The following DGKI variants were observed in gnomAD, a reference collection of about 807,000 sequenced individuals.
The protein encoded by DGKI is diacylglycerol kinase iota.
A neutral mutation model predicts 147.5 loss-of-function variants in DGKI; 55 were observed. The observed-to-expected ratio is 0.37, with a 90% CI of 0.30 to 0.47. The LOEUF is 0.47. Among genes scored for constraint, DGKI ranks in the 20% least tolerant of loss-of-function variants. The pLI is 1.00. For missense variants in DGKI, 1,007 were observed against 1,323.8 expected, an observed-to-expected ratio of 0.76 and a Z score of 3.71; for synonymous variants, 469 against 477.1, an observed-to-expected ratio of 0.98 and a Z score of 0.22.
At chr7:137,758,240 G>A (rs1795747711) in intron 1 of DGKI, among the ~76,000 whole-genome samples, 1 of 152,178 alleles carries the variant, frequency 6.6e-6, no homozygotes, top group Non-Finnish European at 1.5e-5. Context: ...GAGCCCCTGG[G>A]TGAGCTATGG....
At chr7:137,762,438 T>C (rs116923181) in intron 1 of DGKI, among the ~76,000 whole-genome samples, 1 of 152,360 alleles carries the variant, frequency 6.6e-6, no homozygotes, top group East Asian at 1.9e-4. Flanking sequence ...TCTCACATTC[T>C]ATACTCCAGC....
At chr7:137,697,717 C>T (rs1434006964) in intron 1 of DGKI, among the ~76,000 whole-genome samples, 1 of 151,920 alleles carries the variant, frequency 6.6e-6, no homozygotes, top group Non-Finnish European at 1.5e-5. Context: ...AATTATAGTA[C>T]CCAAGAGTAT....
chr7:137,727,338 A>G (rs1335447047), intron 1 of DGKI, among the ~76,000 whole-genome samples: 1 of 152,162 alleles, frequency 6.6e-6, no homozygotes, highest in African/African-American at 2.4e-5. Context: ...TGACAACAAC[A>G]CAAGAAAGTT....
chr7:137,710,566 C>T (rs183969773), intron 1 of DGKI, among the ~76,000 whole-genome samples: 1 of 152,084 alleles, frequency 6.6e-6, no homozygotes, highest in Admixed American at 6.5e-5. Flanking sequence ...ATTGCTTATC[C>T]TTATAGAAAA....
At chr7:137,545,957 T>A (rs752162901) in intron 20 of DGKI, 3 of 702,482 alleles carry the variant, frequency 4.3e-6, no homozygotes, top group Non-Finnish European at 7.8e-6. Flanking sequence ...TTGCACCTGA[T>A]GAATACTAGA....
At chr7:137,531,773 A>G (rs771379516) in intron 20 of DGKI, among the ~76,000 whole-genome samples, 1 of 152,208 alleles carries the variant, frequency 6.6e-6, no homozygotes, top group African/African-American at 2.4e-5. Flanking sequence ...AAGGGTGTGG[A>G]TGAAGTGTTA....
At chr7:137,616,766 C>T (rs527717798) in intron 8 of DGKI, among the ~76,000 whole-genome samples, 11 of 152,242 alleles carry the variant, frequency 7.2e-5, no homozygotes, top group South Asian at 4.1e-4. Flanking sequence ...ACCACTACTA[C>T]ATCCTATAAG....
At chr7:137,517,290 A>G (rs1441803695) in intron 21 of DGKI, among the ~76,000 whole-genome samples, 1 of 122,254 alleles carries the variant, frequency 8.2e-6, no homozygotes, top group Non-Finnish European at 1.7e-5. Flanking sequence ...AAAGAAAGAA[A>G]GAAAGAAAGA....
intron 1 of DGKI, among the ~76,000 whole-genome samples, chr7:137,793,633 T>C (rs1343112712): frequency 6.6e-6 from 1 of 152,114 alleles, no homozygotes; most frequent in African/African-American, 2.4e-5. Context: ...ACAAACACCA[T>C]TTTCACATGT....
At position 137,605,817 on chromosome 7, in the gene DGKI, G is replaced by T. The variant is rs151336121; in HGVS notation, c.1167+3149C>A. 6.6e-5 allele frequency among the ~76,000 whole-genome samples: 10 copies of T among 152,316 alleles called. No individual in the cohort carries two copies. The East Asian group carries it at 1.9e-3, about 29-fold the overall frequency. ...GTTACCAAAGACTGGGAAGGGTGTG[G>T]TGGGTGTGGGGGATGACCAGACGTT... On this transcript the variant is annotated intron_variant, in intron 10 of 32. Transcript: ENST00000614521.
chr7:137,755,544 T>C (rs759462714), intron 1 of DGKI, among the ~76,000 whole-genome samples: 1 of 152,230 alleles, frequency 6.6e-6, no homozygotes, highest in Non-Finnish European at 1.5e-5. Context: ...TCGACCTGAA[T>C]GCTCTTAAGT....
chr7:137,619,630 G>A (rs891454539), intron 8 of DGKI, among the ~76,000 whole-genome samples, 194 bp downstream of exon 8: 1 of 152,166 alleles, frequency 6.6e-6, no homozygotes, highest in Non-Finnish European at 1.5e-5. Context: ...GGATGGGGAG[G>A]CTGGTTCCAT....
intron 1 of DGKI, among the ~76,000 whole-genome samples, chr7:137,754,097 A>G (rs56981573): frequency 0.17 from 25,358 of 152,060 alleles, 4,224 homozygotes; most frequent in African/African-American, 0.43. Flanking sequence ...GGTTATGTAA[A>G]GAAGGTGGGA....
chr7:137,806,499 T>C (rs1311265774), intron 1 of DGKI, among the ~76,000 whole-genome samples: 2 of 152,100 alleles, frequency 1.3e-5, no homozygotes, highest in African/African-American at 4.8e-5. Context: ...AGTGGTGCGA[T>C]CTTGGCTCAC....
intron 19 of DGKI, among the ~76,000 whole-genome samples, chr7:137,566,167 T>C (rs1818578682): frequency 6.6e-6 from 1 of 152,128 alleles, no homozygotes; most frequent in East Asian, 1.9e-4. Flanking sequence ...CTGGTTATGT[T>C]TTTAATTATA....
In DGKI at chr7:137,609,065, C is replaced by T. The variant is rs1474097295; in HGVS notation, c.1069-1G>A. 1.2e-6 allele frequency: 2 copies of T among 1,611,062 alleles called. No homozygotes were observed. The highest frequency in any genetic ancestry group is 1.3e-5 in the African/African-American group (1 of 74,752). On this transcript the variant is annotated splice_acceptor_variant, in intron 9 of 32. Transcript: ENST00000614521. LOFTEE classifies it high-confidence loss of function. ...CAAAAGGACGACCTTTGTTTTCCTG[C>T]TGAAAGAAGCAATCAGCACTGTTAG...
intron 19 of DGKI, among the ~76,000 whole-genome samples, chr7:137,562,746 A>G (rs1190932965): frequency 6.6e-6 from 1 of 152,204 alleles, no homozygotes; most frequent in Non-Finnish European, 1.5e-5. Context: ...ACTCAAGAAG[A>G]AATAGATAAT....
At chr7:137,409,569 G>A (rs184012746) in intron 29 of DGKI, among the ~76,000 whole-genome samples, 5 of 152,318 alleles carry the variant, frequency 3.3e-5, no homozygotes, top group East Asian at 3.9e-4. Context: ...TAAACTGGGG[G>A]GCAAGAGGGC....
At chr7:137,840,011 C>T (rs938557303) in intron 1 of DGKI, among the ~76,000 whole-genome samples, 2 of 152,224 alleles carry the variant, frequency 1.3e-5, no homozygotes, top group African/African-American at 2.4e-5. Context: ...CTTCCCACCT[C>T]TACCCAATCA....
Sources: gnomAD v4.1 joint callset for allele counts (sites outside exome capture counted in the v4.1 genomes callset) on GRCh38, gnomAD v4.1.1 for gene constraint, MANE v1.5 for transcripts, NCBI Gene and HGNC (gene_info 2026-07-23, HGNC 2026-07-21) for gene names.